The following GMPR variants were observed in gnomAD, a reference collection of about 807,000 sequenced individuals.
GMPR encodes the protein GMP reductase 1.
A neutral mutation model predicts 38.4 loss-of-function variants in GMPR; 31 were observed. That is an observed-to-expected ratio of 0.81 (90% CI 0.61 to 1.09). The LOEUF (loss-of-function observed/expected upper bound fraction) is 1.09. Ranked by LOEUF, GMPR falls within the 50% of genes least tolerant of loss-of-function variation. The probability of loss-of-function intolerance (pLI) is 0.00; values close to 1 mark genes in which losing one functional copy is unlikely to be tolerated. For missense variants in GMPR, 468 were observed against 453.7 expected (o/e 1.03, Z -0.29); for synonymous variants, 162 against 173.3 (o/e 0.93, Z 0.51).
At chr6:16,262,775 G>A (rs1377787153) in intron 4 of GMPR, 2 of 152,016 alleles carry the variant, frequency 1.3e-5, no homozygotes, top group Non-Finnish European at 2.9e-5. Context: ...GCTGCCAAAC[G>A]AGCCATGAAC....
chr6:16,258,198 TAAG>T (rs762375450), intron 4 of GMPR: 1 of 152,198 alleles, frequency 6.6e-6, no homozygotes, highest in African/African-American at 2.4e-5. Flanking sequence ...ATGTGGGGTT[TAAG>T]AAGAGAGAGA....
intron 4 of GMPR, among the ~76,000 whole-genome samples, chr6:16,255,002 T>G (rs991036219): frequency 6.6e-6 from 1 of 151,846 alleles, no homozygotes; most frequent in Admixed American, 6.6e-5. Context: ...TTTCTTACTA[T>G]CTGATACTTT....
chr6:16,292,683 C>G (rs1759862757), intron 8 of GMPR, among the ~76,000 whole-genome samples: 1 of 152,178 alleles, frequency 6.6e-6, no homozygotes, highest in Non-Finnish European at 1.5e-5. Context: ...GTGGAGCTTT[C>G]ATGGGTGAGC....
chr6:16,254,281 G>T (rs552978869), intron 3 of GMPR, among the ~76,000 whole-genome samples: 1 of 152,268 alleles, frequency 6.6e-6, no homozygotes, highest in East Asian at 1.9e-4. Context: ...GGCCAGGCTG[G>T]TCTCAAACTC....
intron 4 of GMPR, among the ~76,000 whole-genome samples, chr6:16,266,496 G>A (rs1281271270): frequency 1.4e-5 from 2 of 146,926 alleles, no homozygotes; most frequent in Non-Finnish European, 3.0e-5. Context: ...CACGTCCGAC[G>A]TGCCACCTTT....
At chr6:16,254,867 A>T in intron 4 of GMPR, 132 bp downstream of exon 4, 2 of 637,550 alleles carry the variant, frequency 3.1e-6, no homozygotes, top group Non-Finnish European at 5.5e-6. Context: ...TTAATTGAGG[A>T]TCATTTGGGA....
intron 2 of GMPR, 39 bp downstream of exon 2, chr6:16,247,000 A>G: frequency 1.3e-6 from 2 of 1,599,744 alleles, no homozygotes; most frequent in Non-Finnish European, 1.7e-6. Context: ...TTTGCTGCTC[A>G]CACTGTGGAC....
chr6:16,250,223 G>A, intron 2 of GMPR, 61 bp from the exon 3 acceptor site: 3 of 876,472 alleles, frequency 3.4e-6, no homozygotes, highest in Middle Eastern at 4.3e-4. Flanking sequence ...ACCTCCAGAT[G>A]GAGGAGGGAG....
intron 3 of GMPR, among the ~76,000 whole-genome samples, chr6:16,251,454 C>T (rs1758874782): frequency 6.6e-6 from 1 of 152,184 alleles, no homozygotes; most frequent in Non-Finnish European, 1.5e-5. Flanking sequence ...CCTGTAATCC[C>T]AGCTACTCAG....
chr6:16,289,861 T>A (rs1166415431), intron 7 of GMPR: 1 of 125,618 alleles, frequency 8.0e-6, no homozygotes, highest in East Asian at 2.2e-4. Context: ...TTTTTTTTTT[T>A]TTTTTTTTTT....
intron 4 of GMPR, 67 bp downstream of exon 4, chr6:16,254,802 T>C: frequency 8.8e-7 from 1 of 1,133,504 alleles, no homozygotes; most frequent in African/African-American, 1.5e-5. Flanking sequence ...AGTTGTTCAA[T>C]GTGTCGGGGG....
chr6:16,285,033 C>T (rs6907255), intron 6 of GMPR, among the ~76,000 whole-genome samples: 1 of 108,600 alleles, frequency 9.2e-6, no homozygotes, highest in Non-Finnish European at 1.9e-5. Flanking sequence ...AAAAAAAAAA[C>T]AAAAAAAAAA....
Position 16,290,489 on chromosome 6 carries a change from G to C in GMPR, c.725G>C (p.Gly242Ala). Reference sequence around the variant, plus strand: ...GCTGGAGCAGATTTTGTCATGCTGGGAGGAATGTTTTCGGGTCATACGGAG... The same window carrying C: ...GCTGGAGCAGATTTTGTCATGCTGGCAGGAATGTTTTCGGGTCATACGGAG... ...FGAGADFVMLGGMFSGHTECA... is the reference protein window; with the variant it reads ...FGAGADFVMLAGMFSGHTECA... The change falls in exon 8 of 9, where the codon GGA (glycine) becomes GCA (alanine). Residue 242 changes from glycine to alanine, a missense_variant. Gly to Ala is a moderately conservative substitution (Grantham distance 60, BLOSUM62 0). Coordinates refer to ENST00000259727, the MANE Select transcript of GMPR (RefSeq NM_006877.4). 2 of 1,614,144 alleles carry C rather than the reference G, an allele frequency of 1.2e-6. No individual in the cohort carries two copies. Among genetic ancestry groups the C allele is most frequent in the South Asian group, 1.1e-5 (1 of 91,072 alleles).
At chr6:16,283,029 G>C (rs949620660) in intron 6 of GMPR, among the ~76,000 whole-genome samples, 3 of 151,834 alleles carry the variant, frequency 2.0e-5, no homozygotes, top group African/African-American at 7.3e-5. Flanking sequence ...GGCTGGTCTT[G>C]AACTCCTGAC....
At chr6:16,281,340 G>T (rs1210587720) in intron 6 of GMPR, among the ~76,000 whole-genome samples, 1 of 152,144 alleles carries the variant, frequency 6.6e-6, no homozygotes, top group African/African-American at 2.4e-5. Flanking sequence ...CCTGAACCAG[G>T]TCTCATCTGC....
intron 3 of GMPR, 55 bp downstream of exon 3, chr6:16,250,422 T>G: frequency 1.0e-6 from 1 of 970,318 alleles, no homozygotes; most frequent in Non-Finnish European, 1.7e-6. Flanking sequence ...AACAAAATCT[T>G]CAGAGCTGTC....
chr6:16,246,738 T>C, intron 1 of GMPR, 104 bp from the exon 2 acceptor site: 1 of 1,105,802 alleles, frequency 9.0e-7, no homozygotes, highest in South Asian at 1.5e-5. Context: ...CAGGGACCTT[T>C]GTCTTGTTCC....
chr6:16,266,134 C>A (rs867982150), intron 4 of GMPR, among the ~76,000 whole-genome samples: 1 of 43,322 alleles, frequency 2.3e-5, no homozygotes, highest in African/African-American at 3.7e-4. Context: ...TAACACTTGC[C>A]ATCTTTAAGA....
chr6:16,251,127 T>C (rs1049402133), intron 3 of GMPR, among the ~76,000 whole-genome samples: 5 of 152,218 alleles, frequency 3.3e-5, no homozygotes, highest in African/African-American at 1.2e-4. Flanking sequence ...AGCCCAAAAG[T>C]AGACACAACC....
Sources: gnomAD v4.1 joint callset for allele counts (sites outside exome capture counted in the v4.1 genomes callset) on GRCh38, gnomAD v4.1.1 for gene constraint, MANE v1.5 for transcripts, NCBI Gene and HGNC (gene_info 2026-07-23, HGNC 2026-07-21) for gene names.